NKAIN3: variants seen among roughly 807,000 people sequenced by gnomAD.
NKAIN3 encodes sodium/potassium transporting ATPase interacting 3.
In NKAIN3, 25 loss-of-function variants were observed where a neutral mutation model predicts 30.2. That is an observed-to-expected ratio of 0.83 (90% CI 0.60 to 1.16). The LOEUF (loss-of-function observed/expected upper bound fraction) is 1.16, where lower values mean the gene tolerates loss of function less well. Ranked by LOEUF, NKAIN3 falls within the 50% of genes most tolerant of loss-of-function variation. NKAIN3 has a pLI of 0.00. For missense variants in NKAIN3, 225 were observed against 254.1 expected, an observed-to-expected ratio of 0.89 and a Z score of 0.78; for synonymous variants, 91 against 89.6, an observed-to-expected ratio of 1.02 and a Z score of -0.09.
At chr8:62,901,376 A>G (rs556327944) in intron 4 of NKAIN3, among the ~76,000 whole-genome samples, 1 of 152,330 alleles carries the variant, frequency 6.6e-6, no homozygotes, top group South Asian at 2.1e-4. Context: ...AAGCTGAGGC[A>G]GGAGGGTCAC....
At chr8:62,570,543 G>A (rs191735118) in intron 1 of NKAIN3, among the ~76,000 whole-genome samples, 403 of 152,194 alleles carry the variant, frequency 2.6e-3, no homozygotes, top group African/African-American at 8.3e-3. Flanking sequence ...GAGAGCTTGG[G>A]GAGGGAAACT....
intron 1 of NKAIN3, among the ~76,000 whole-genome samples, chr8:62,574,405 A>G (rs1256140001): frequency 2.0e-5 from 3 of 152,174 alleles, no homozygotes; most frequent in South Asian, 4.1e-4. Flanking sequence ...GTATAAACCT[A>G]TAAGTGAGAT....
intron 4 of NKAIN3, among the ~76,000 whole-genome samples, chr8:62,756,242 C>T (rs1816448235): frequency 6.6e-6 from 1 of 152,128 alleles, no homozygotes; most frequent in African/African-American, 2.4e-5. Context: ...CTATCACAAC[C>T]TGTGCATTCT....
chr8:62,356,029 G>T (rs976485283), intron 1 of NKAIN3, among the ~76,000 whole-genome samples: 11 of 152,222 alleles, frequency 7.2e-5, no homozygotes, highest in African/African-American at 2.6e-4. Flanking sequence ...AGGTATAAGG[G>T]CATAACCCTA....
chr8:62,375,835 A>C (rs1817062639), intron 1 of NKAIN3, among the ~76,000 whole-genome samples: 2 of 152,184 alleles, frequency 1.3e-5, no homozygotes, highest in African/African-American at 2.4e-5. Flanking sequence ...TTTTTGACAA[A>C]ATTTCAGTCC....
intron 2 of NKAIN3, among the ~76,000 whole-genome samples, chr8:62,588,588 A>G (rs1180485286): frequency 6.6e-6 from 1 of 151,866 alleles, no homozygotes; most frequent in Non-Finnish European, 1.5e-5. Context: ...TAAAGTTTCT[A>G]TTAGTAACAT....
chr8:62,569,784 A>AAAAT (rs1216940557), intron 1 of NKAIN3, among the ~76,000 whole-genome samples: 1 of 150,706 alleles, frequency 6.6e-6, no homozygotes, highest in Non-Finnish European at 1.5e-5. Flanking sequence ...AAAAAAAAAA[A>AAAAT]AAGCCTACTT....
chr8:62,930,701 T>A (rs1362486457), intron 5 of NKAIN3, among the ~76,000 whole-genome samples: 1 of 149,604 alleles, frequency 6.7e-6, no homozygotes, highest in East Asian at 2.0e-4. Context: ...TGTATCAGAA[T>A]TTCATCCTTT....
At chr8:62,419,479 C>G (rs905348043) in intron 1 of NKAIN3, among the ~76,000 whole-genome samples, 2 of 152,140 alleles carry the variant, frequency 1.3e-5, no homozygotes, top group African/African-American at 2.4e-5. Context: ...TGTAAAAGTT[C>G]TGATGTAACT....
chr8:62,533,998 C>A (rs1383050683), intron 1 of NKAIN3, among the ~76,000 whole-genome samples: 6 of 152,140 alleles, frequency 3.9e-5, no homozygotes, highest in African/African-American at 1.4e-4. Flanking sequence ...TTGTCTCCGG[C>A]TGACTTCAGA....
At chr8:62,802,646 G>A (rs893334693) in intron 4 of NKAIN3, among the ~76,000 whole-genome samples, 1 of 152,196 alleles carries the variant, frequency 6.6e-6, no homozygotes, top group Non-Finnish European at 1.5e-5. Context: ...ACCGGTACCA[G>A]CCACTGCAAA....
chr8:62,876,817 G>A lies in NKAIN3; in HGVS notation c.472-41636G>A, dbSNP rs1036885824. Among the ~76,000 whole-genome samples, 9 of 152,064 alleles carry A rather than the reference G, an allele frequency of 5.9e-5. No individual in the cohort carries two copies. In the South Asian group the frequency reaches 1.5e-3, roughly 25 times the overall value. ...AATACACCAGGGCCTATTGAGGGGT[G>A]GGGGTGAGGCAAGGAACTTAGAGGA... On this transcript the variant is annotated intron_variant, in intron 4 of 6. Transcript: ENST00000623646.
intron 1 of NKAIN3, among the ~76,000 whole-genome samples, chr8:62,278,350 A>G (rs1025195019): frequency 2.6e-5 from 4 of 151,378 alleles, no homozygotes; most frequent in African/African-American, 9.7e-5. Context: ...GCATAAAACC[A>G]TGCCTGACAG....
intron 1 of NKAIN3, chr8:62,482,125 T>C (rs1806741705): frequency 6.6e-6 from 1 of 152,250 alleles, no homozygotes. Context: ...AGTCTGCCTT[T>C]CACTGTTGGT....
At chr8:62,925,546 C>T (rs1391853058) in intron 5 of NKAIN3, among the ~76,000 whole-genome samples, 2 of 152,176 alleles carry the variant, frequency 1.3e-5, no homozygotes, top group Non-Finnish European at 2.9e-5. Flanking sequence ...GCAGACAACT[C>T]CTGCACCCCA....
chr8:62,316,723 G>T (rs1814647928), intron 1 of NKAIN3, among the ~76,000 whole-genome samples: 2 of 152,172 alleles, frequency 1.3e-5, no homozygotes, highest in African/African-American at 4.8e-5. Flanking sequence ...ATTGTGAATA[G>T]TGCCACAATA....
intron 3 of NKAIN3, among the ~76,000 whole-genome samples, chr8:62,742,415 G>T (rs1815932911): frequency 6.6e-6 from 1 of 152,146 alleles, no homozygotes; most frequent in South Asian, 2.1e-4. Context: ...GTAAATTTAT[G>T]TCTTGCTTTT....
chr8:62,389,737 T>G (rs1817533343), intron 1 of NKAIN3, among the ~76,000 whole-genome samples: 1 of 152,200 alleles, frequency 6.6e-6, no homozygotes, highest in Non-Finnish European at 1.5e-5. Context: ...AGTAACTGTT[T>G]ATTATGTGGC....
At chr8:62,781,541 A>G (rs1040958696) in intron 4 of NKAIN3, among the ~76,000 whole-genome samples, 7 of 152,072 alleles carry the variant, frequency 4.6e-5, no homozygotes, top group African/African-American at 1.2e-4. Flanking sequence ...ATGAAGCTAT[A>G]CTAACCAAAG....
Sources: gnomAD v4.1 joint callset for allele counts (sites outside exome capture counted in the v4.1 genomes callset) on GRCh38, gnomAD v4.1.1 for gene constraint, MANE v1.5 for transcripts, NCBI Gene and HGNC (gene_info 2026-07-23, HGNC 2026-07-21) for gene names.